The following ARVCF variants were observed in gnomAD, a reference collection of about 807,000 sequenced individuals.
ARVCF encodes ARVCF delta catenin family member.
In ARVCF, 66 loss-of-function variants were observed where a neutral mutation model predicts 90.9. The ratio of observed to expected loss-of-function variants is 0.73; its 90% CI spans 0.60 to 0.89. The LOEUF (loss-of-function observed/expected upper bound fraction) is 0.89, where lower values mean the gene tolerates loss of function less well. Ranked by LOEUF, ARVCF falls within the 40% of genes least tolerant of loss-of-function variation. The probability of loss-of-function intolerance (pLI) is 0.00; values close to 1 mark genes in which losing one functional copy is unlikely to be tolerated. For synonymous variants in ARVCF, 653 were observed against 603.4 expected (o/e 1.08, Z -1.21); for missense variants, 1,469 against 1,382.3 (o/e 1.06, Z -1.00).
rs1601616679 is a variant in ARVCF at position 19,984,561 on chromosome 22, C to T, written c.211-2470G>A. On this transcript the variant is annotated intron_variant, in intron 3 of 19. Transcript: ENST00000263207. ...GAAAGCCCGGCCCCTGCTACACATG[C>T]CCAGGCACACACACATGCATATACA... 2.0e-5 allele frequency among the ~76,000 whole-genome samples: 3 copies of T among 152,174 alleles called. No individual in the cohort carries two copies. The South Asian group carries it at 6.2e-4, about 31-fold the overall frequency.
intron 2 of ARVCF, among the ~76,000 whole-genome samples, chr22:19,993,390 G>A (rs1033670371): frequency 6.6e-6 from 1 of 152,248 alleles, no homozygotes; most frequent in Non-Finnish European, 1.5e-5. Context: ...AATATATGAT[G>A]TCAAGGAAAG....
At chr22:20,016,323 G>A (rs957139907) in intron 1 of ARVCF, among the ~76,000 whole-genome samples, 1 of 152,114 alleles carries the variant, frequency 6.6e-6, no homozygotes, top group African/African-American at 2.4e-5. Flanking sequence ...GGGTAGGGTA[G>A]GGCCCCAAGG....
chr22:19,980,156 G>A lies in ARVCF; in HGVS notation c.983C>T (p.Pro328Leu). Residue 328 changes from proline (P) to leucine (L), a missense_variant, in exon 6 of 20, where the codon CCT becomes CTT. Coordinates refer to ENST00000263207, the MANE Select transcript of ARVCF (RefSeq NM_001670.3). ...FPMVTAPLAQPERGSMGSLDR... is the reference protein window; with the variant it reads ...FPMVTAPLAQLERGSMGSLDR... ...CAGGCTGCCCATGCTGCCCCGTTCA[G>A]GCTGGGCCAGGGGCGCCGTCACCAT... 6.3e-7 allele frequency: 1 copy of A among 1,587,016 alleles called. No homozygotes were observed. Among genetic ancestry groups the A allele is most frequent in the Non-Finnish European group, 8.6e-7 (1 of 1,168,038 alleles).
At chr22:20,012,514 CCT>C (rs968100418) in intron 1 of ARVCF, among the ~76,000 whole-genome samples, 12 of 152,340 alleles carry the variant, frequency 7.9e-5, no homozygotes, top group East Asian at 7.7e-4. Flanking sequence ...GGGGAGCCCC[CCT>C]GAGTGCTCTG....
intron 2 of ARVCF, among the ~76,000 whole-genome samples, chr22:20,003,116 G>C (rs188970604): frequency 3.0e-4 from 46 of 152,212 alleles, no homozygotes; most frequent in African/African-American, 9.6e-4. Flanking sequence ...CAACAAATTA[G>C]ATAACCCAGA....
intron 1 of ARVCF, 102 bp from the exon 2 acceptor site, chr22:20,010,610 T>C (rs1279125176): frequency 6.6e-6 from 1 of 152,236 alleles, no homozygotes; most frequent in Non-Finnish European, 1.5e-5. Flanking sequence ...CAGGACCTTG[T>C]CATGCCTGAT....
chr22:20,007,960 T>A (rs1944692328), intron 2 of ARVCF, among the ~76,000 whole-genome samples: 1 of 152,102 alleles, frequency 6.6e-6, no homozygotes, highest in Admixed American at 6.6e-5. Flanking sequence ...TGCATCTTTA[T>A]CTGGCTGCAT....
At position 19,970,465 on chromosome 22, in the gene ARVCF, G is replaced by A. The variant is rs1434402472; in HGVS notation, c.*291C>T. The A allele has an allele frequency of 1.1e-5, 12 of 1,107,360 alleles. No homozygotes were observed. The highest frequency in any genetic ancestry group is 1.3e-5 in the Non-Finnish European group (12 of 896,474). 68.6% of individuals were successfully genotyped at this position (1,107,360 alleles called of 1,614,324 possible). A position where few individuals can be genotyped will look rare whatever the true frequency, so the allele number is the denominator to read the frequency against. ...AGGCACCCTTCCCTGCCACCTCCCT[G>A]GGCCCTGCCCCAGCAGCCCAGTCGG... On this transcript the variant is annotated 3_prime_UTR_variant, in exon 20 of 20. Coordinates refer to ENST00000263207, the MANE Select transcript of ARVCF (RefSeq NM_001670.3).
At chr22:19,998,425 G>A (rs978485245) in intron 2 of ARVCF, among the ~76,000 whole-genome samples, 4 of 152,182 alleles carry the variant, frequency 2.6e-5, no homozygotes, top group South Asian at 2.1e-4. Flanking sequence ...AGCAGGGCCC[G>A]CCGGCCCAGC....
Position 19,981,194 on chromosome 22 carries a change from G to C in ARVCF, c.896+17C>G, listed in dbSNP as rs1031409878. On this transcript the variant is annotated intron_variant, in intron 5 of 19. Coordinates refer to ENST00000263207, the MANE Select transcript of ARVCF (RefSeq NM_001670.3). The stretch of plus-strand genomic sequence containing the variant: ...CTTCCCAGAGGAGGTAGCCACAGGG[G>C]ACGGGGTGCAGCTCACCTGGTATGA... 18 of 1,511,038 alleles carry C rather than the reference G, an allele frequency of 1.2e-5. No individual in the cohort carries two copies. Among genetic ancestry groups the C allele is most frequent in the Non-Finnish European group, 1.6e-5 (18 of 1,125,948 alleles). 93.6% of individuals were successfully genotyped at this position (1,511,038 alleles called of 1,614,324 possible). A position where few individuals can be genotyped will look rare whatever the true frequency, so the allele number is the denominator to read the frequency against.
chr22:20,006,204 C>T (rs1944618798), intron 2 of ARVCF, among the ~76,000 whole-genome samples: 1 of 152,182 alleles, frequency 6.6e-6, no homozygotes, highest in African/African-American at 2.4e-5. Context: ...AACAACACTA[C>T]TGAATTGTAC....
intron 3 of ARVCF, among the ~76,000 whole-genome samples, chr22:19,990,042 A>G (rs114192457): frequency 0.013 from 1,999 of 152,266 alleles, 58 homozygotes; most frequent in African/African-American, 0.046. Context: ...CTAACTGCTC[A>G]CTGCATACCC....
chr22:20,002,415 C>T (rs960329276), intron 2 of ARVCF, among the ~76,000 whole-genome samples: 6 of 152,130 alleles, frequency 3.9e-5, no homozygotes, highest in African/African-American at 1.2e-4. Context: ...GCCTGGCTCC[C>T]GTCTCTCACA....
intron 2 of ARVCF, among the ~76,000 whole-genome samples, chr22:19,995,714 G>C (rs1944223693): frequency 6.6e-6 from 1 of 152,180 alleles, no homozygotes; most frequent in Admixed American, 6.5e-5. Context: ...AGTGAAGGGT[G>C]GCAGGCGGGG....
rs1314091524 is a variant in ARVCF at position 19,990,652 on chromosome 22, C to T, written c.143G>A (p.Gly48Asp). The change falls in exon 3 of 20, where the codon GGC becomes GAC. Residue 48 changes from glycine (G) to aspartate (D), a missense_variant. Transcript: ENST00000263207. ...ACTGCCCATGCCACCACTGACCATG[C>T]CAGGCTGCTGGGCACGCTCCAGCTG... The part of the protein sequence containing the change: ...ALQLERAQQP[G>D]MVSGGMGSGQ... 6.2e-7 allele frequency: 1 copy of T among 1,609,032 alleles called. No homozygotes were observed. Among genetic ancestry groups the T allele is most frequent in the Admixed American group, 1.7e-5 (1 of 59,616 alleles).
At chr22:19,995,107 GGAGAA>G (rs1412341262) in intron 2 of ARVCF, among the ~76,000 whole-genome samples, 2 of 152,008 alleles carry the variant, frequency 1.3e-5, no homozygotes, top group African/African-American at 4.8e-5. Context: ...TGGAGGGATG[GGAGAA>G]GAGGAGGCCA....
downstream of ARVCF, among the ~76,000 whole-genome samples, chr22:19,966,436 TAAAA>T (rs362115): frequency 3.0e-4 from 40 of 135,248 alleles, no homozygotes; most frequent in African/African-American, 4.2e-4. Flanking sequence ...AGTTCCCCCT[TAAAA>T]AAAAAAAAAA....
chr22:19,973,791 C>T lies in ARVCF; in HGVS notation c.2091G>A (p.Trp697Ter). The change falls in exon 13 of 20, where the codon TGG (tryptophan) becomes TGA (stop). Residue 697 changes from tryptophan (W) to a stop codon, truncating the protein, a stop_gained and splice_region_variant. Coordinates refer to ENST00000263207, the MANE Select transcript of ARVCF (RefSeq NM_001670.3). LOFTEE classifies it high-confidence loss of function. Reference sequence around the variant, plus strand: ...GCACTGTGGCGCGGATGTACGTGGCCCACTGCGGAGGCGGGGAGAGGGTTG... The same window carrying T: ...GCACTGTGGCGCGGATGTACGTGGCTCACTGCGGAGGCGGGGAGAGGGTTG... ...LQNLSAGNWMWATYIRATVRK... is the reference protein window; with the variant it reads ...LQNLSAGNWM The T allele has an allele frequency of 1.2e-6, 2 of 1,604,120 alleles. No individual in the cohort carries two copies. Among genetic ancestry groups the T allele is most frequent in the Non-Finnish European group, 1.7e-6 (2 of 1,178,578 alleles).
In ARVCF at chr22:19,973,756, C is replaced by A. The variant is rs1245259132; in HGVS notation, c.2126G>T (p.Arg709Leu). The change falls in exon 13 of 20, where the codon CGC (arginine) becomes CTC (leucine). Residue 709 changes from arginine (R) to leucine (L), a missense_variant. By Grantham distance (102) the Arg-to-Leu change is moderately radical (BLOSUM62 -2). Transcript: ENST00000263207. Reference sequence around the variant, plus strand: ...CAGTTCCACAAGCACCGGCAGCCCGCGCTCTTTGCGCACTGTGGCGCGGAT... The same window carrying A: ...CAGTTCCACAAGCACCGGCAGCCCGAGCTCTTTGCGCACTGTGGCGCGGAT... The part of the protein sequence containing the change: ...TYIRATVRKE[R>L]GLPVLVELLQ... The A allele has an allele frequency of 1.2e-6, 2 of 1,607,922 alleles. No individual in the cohort carries two copies. The highest frequency in any genetic ancestry group is 1.3e-5 in the African/African-American group (1 of 75,078).
Sources: allele counts gnomAD v4.1 joint callset (sites outside exome capture counted in the v4.1 genomes callset), GRCh38; gene constraint gnomAD v4.1.1; transcripts MANE v1.5; gene names NCBI Gene and HGNC (gene_info 2026-07-23, HGNC 2026-07-21).